Variants in DOCK3 observed in about 807,000 individuals in gnomAD.
DOCK3 encodes dedicator of cytokinesis protein 3.
A neutral mutation model predicts 265.6 loss-of-function variants in DOCK3; 60 were observed. The observed-to-expected ratio is 0.23, with a 90% CI of 0.18 to 0.28. The LOEUF is 0.28. DOCK3 is among the 10% of genes least tolerant of loss of function. The pLI, the probability that DOCK3 is intolerant of heterozygous loss-of-function variation, is 1.00. For missense variants in DOCK3, 1,981 were observed against 2,594.3 expected, an observed-to-expected ratio of 0.76 and a Z score of 5.14; for synonymous variants, 881 against 938.0, an observed-to-expected ratio of 0.94 and a Z score of 1.11.
At position 51,362,546 on chromosome 3, in the gene DOCK3, G is replaced by C; in HGVS notation, c.5165G>C (p.Arg1722Thr). Reference sequence around the variant, plus strand: ...TTGCAGCTCGCGTATCCCAACCCCAGGTACCAAGGCTCAGTCACCAACGTC... The same window carrying C: ...TTGCAGCTCGCGTATCCCAACCCCACGTACCAAGGCTCAGTCACCAACGTC... Reference protein sequence around the residue: ...HHMQLAYPNPRYQGSVTNVSV... With the variant: ...HHMQLAYPNPTYQGSVTNVSV... Residue 1722 changes from arginine to threonine, a missense_variant, in exon 49 of 53, where the codon AGG becomes ACG. Physicochemically the swap from Arg to Thr is moderately conservative, Grantham distance 71 (BLOSUM62 -1). Around this residue, in one of 4 missense-constraint regions of DOCK3, gnomAD observed 1,357 missense variants for 1,866.8 expected, o/e 0.73. Coordinates refer to ENST00000266037, the MANE Select transcript of DOCK3 (RefSeq NM_004947.5). The C allele has an allele frequency of 6.2e-7, 1 of 1,613,952 alleles. No homozygotes were observed.
At chr3:50,772,495 T>G (rs1419559528) in intron 1 of DOCK3, among the ~76,000 whole-genome samples, 4 of 152,214 alleles carry the variant, frequency 2.6e-5, no homozygotes, top group Admixed American at 1.3e-4. Context: ...GGATGGATAC[T>G]TCATTCTTCA....
intron 4 of DOCK3, among the ~76,000 whole-genome samples, chr3:50,910,688 C>T (rs893889995): frequency 2.0e-5 from 3 of 152,152 alleles, no homozygotes; most frequent in African/African-American, 7.2e-5. Flanking sequence ...GATAAGGAAT[C>T]ACTGAGTTCC....
At chr3:51,147,885 T>G (rs1433884881) in intron 10 of DOCK3, among the ~76,000 whole-genome samples, 1 of 152,208 alleles carries the variant, frequency 6.6e-6, no homozygotes, top group Non-Finnish European at 1.5e-5. Flanking sequence ...CAAATGGTAT[T>G]TCTAGTTCTA....
chr3:51,272,637 A>G (rs1246174986), intron 24 of DOCK3, among the ~76,000 whole-genome samples: 1 of 151,974 alleles, frequency 6.6e-6, no homozygotes, highest in Non-Finnish European at 1.5e-5. Context: ...CCACTGCTAC[A>G]CACATTTGTA....
rs782600050 is a variant in DOCK3, at chr3:51,381,357, C to T, written c.5891C>T (p.Pro1964Leu). Residue 1964 changes from proline to leucine, a missense_variant, in exon 53 of 53, where the codon CCT becomes CTT. By Grantham distance (98) the Pro-to-Leu change is moderately conservative. Transcript: ENST00000266037. This position sits in a 1 kb window ranked among gnomAD's most constrained non-coding sequence, Gnocchi z 5.6. ...CACTCAGCCCCAGGGTGCGTCATCC[C>T]TCAGGACCCCATGGACCCGCCTGCG... ...RSHSAPGCVI[P>L]QDPMDPPALP... 1 of 1,613,150 alleles carries T rather than the reference C, an allele frequency of 6.2e-7. No homozygotes were observed. The highest frequency in any genetic ancestry group is 8.5e-7 in the Non-Finnish European group (1 of 1,179,848).
intron 5 of DOCK3, among the ~76,000 whole-genome samples, chr3:50,980,958 C>G (rs113205293): frequency 6.7e-4 from 101 of 151,336 alleles, no homozygotes; most frequent in African/African-American, 2.4e-3. Context: ...TTTGTTTAGC[C>G]CTGCTCTCAT....
intron 27 of DOCK3, among the ~76,000 whole-genome samples, chr3:51,284,382 C>T (rs571083787): frequency 9.3e-4 from 141 of 152,296 alleles, no homozygotes; most frequent in African/African-American, 3.2e-3. Flanking sequence ...GCATCAAGTA[C>T]GCCAACTTTT....
intron 2 of DOCK3, among the ~76,000 whole-genome samples, chr3:50,838,256 G>A (rs905912588): frequency 6.6e-6 from 1 of 152,114 alleles, no homozygotes; most frequent in Admixed American, 6.5e-5. Flanking sequence ...GAGAACTTTT[G>A]GAGGCAATAC....
intron 12 of DOCK3, among the ~76,000 whole-genome samples, chr3:51,182,066 T>G (rs1343858144): frequency 1.3e-5 from 2 of 152,168 alleles, no homozygotes; most frequent in Non-Finnish European, 2.9e-5. Context: ...AACTCCCTGC[T>G]CTGGGATAAG....
intron 12 of DOCK3, among the ~76,000 whole-genome samples, chr3:51,206,316 T>G (rs889740671): frequency 1.3e-5 from 2 of 152,220 alleles, no homozygotes; most frequent in African/African-American, 4.8e-5. Flanking sequence ...ACTTATTATG[T>G]GCTACAAGTT....
In DOCK3 at chr3:51,334,829, G is replaced by A. The variant is rs145206169; in HGVS notation, c.3611+1576G>A. On this transcript the variant is annotated intron_variant, in intron 35 of 52. Coordinates refer to ENST00000266037, the MANE Select transcript of DOCK3 (RefSeq NM_004947.5). Reference sequence around the variant, plus strand: ...TAGGCTCCAAGGCCTTATTCTAGCCGCCTGTTTGATTTCTTTAGCTGCCTT... The same window carrying A: ...TAGGCTCCAAGGCCTTATTCTAGCCACCTGTTTGATTTCTTTAGCTGCCTT... 2.4e-3 allele frequency among the ~76,000 whole-genome samples: 360 copies of A among 152,270 alleles called. 3 individuals are homozygous for A. The highest frequency in any genetic ancestry group is 7.7e-3 in the African/African-American group (322 of 41,558).
chr3:51,271,152 G>C, intron 24 of DOCK3, 145 bp downstream of exon 24: 3 of 969,808 alleles, frequency 3.1e-6, no homozygotes, highest in Non-Finnish European at 4.5e-6. Flanking sequence ...AGAATTTTTT[G>C]ATAAACTATA....
chr3:51,324,855 G>T (rs2083988126), intron 32 of DOCK3, among the ~76,000 whole-genome samples: 1 of 152,190 alleles, frequency 6.6e-6, no homozygotes, highest in South Asian at 2.1e-4. Context: ...GGGAAAACTA[G>T]CTAGCCATAT....
At chr3:51,069,149 C>G (rs1010492263) in intron 6 of DOCK3, among the ~76,000 whole-genome samples, 1 of 152,142 alleles carries the variant, frequency 6.6e-6, no homozygotes, top group Admixed American at 6.5e-5. Flanking sequence ...TAAATTGTAT[C>G]AGATAGAAAC....
chr3:51,363,477 A>G (rs978541559), intron 49 of DOCK3, among the ~76,000 whole-genome samples: 6 of 152,204 alleles, frequency 3.9e-5, no homozygotes, highest in Non-Finnish European at 8.8e-5. Flanking sequence ...AAAGAAAAAT[A>G]TCACAAATTT....
intron 39 of DOCK3, 65 bp downstream of exon 39, chr3:51,349,003 A>G (rs576220364): frequency 1.0e-4 from 134 of 1,326,516 alleles, no homozygotes; most frequent in Non-Finnish European, 1.2e-4. Context: ...AGCGTTCTCT[A>G]TGGGCCCAGC....
Position 51,064,588 on chromosome 3 carries a change from G to C in DOCK3, c.456G>C (p.Trp152Cys). ...VKRHITVRLD[W>C]GNEHLGLDLV... The stretch of plus-strand genomic sequence containing the variant: ...GGCACATCACCGTGCGCCTGGACTG[G>C]GGTAATGAGTAAGTATGAAAATTGT... The change falls in exon 6 of 53, where the codon TGG (tryptophan) becomes TGC (cysteine). Residue 152 changes from tryptophan (W) to cysteine (C), a missense_variant. Transcript: ENST00000266037. 6.2e-7 allele frequency: 1 copy of C among 1,613,456 alleles called. No homozygotes were observed. Among genetic ancestry groups the C allele is most frequent in the Non-Finnish European group, 8.5e-7 (1 of 1,179,612 alleles).
intron 31 of DOCK3, among the ~76,000 whole-genome samples, chr3:51,313,184 G>GT (rs1422300801): frequency 6.6e-6 from 1 of 152,168 alleles, no homozygotes; most frequent in Non-Finnish European, 1.5e-5. Context: ...GGCTGTAGTA[G>GT]TTTTTTCCAA....
At chr3:50,950,454 AAC>A (rs1427916823) in intron 5 of DOCK3, among the ~76,000 whole-genome samples, 1 of 152,190 alleles carries the variant, frequency 6.6e-6, no homozygotes, top group African/African-American at 2.4e-5. Context: ...CCTACCTGGA[AAC>A]ACATTAAAAT....
Sources: gnomAD v4.1 joint callset for allele counts (sites outside exome capture counted in the v4.1 genomes callset) on GRCh38, gnomAD v4.1.1 for gene constraint, gnomAD v4.1.1 regional missense constraint, Gnocchi (gnomAD v3.1) non-coding constraint, MANE v1.5 for transcripts, NCBI Gene and HGNC (gene_info 2026-07-23, HGNC 2026-07-21) for gene names.